LRP1B: variants seen among roughly 807,000 people sequenced by gnomAD.
The protein encoded by LRP1B is low-density lipoprotein receptor-related protein 1B.
LRP1B carries 217 observed loss-of-function variants against 556.6 expected under a neutral mutation model. The observed-to-expected ratio is 0.39, with a 90% CI of 0.35 to 0.44. The LOEUF (loss-of-function observed/expected upper bound fraction) is 0.44, where lower values mean the gene tolerates loss of function less well. LRP1B is among the 20% of genes least tolerant of loss of function. The probability of loss-of-function intolerance (pLI) is 1.00; values close to 1 mark genes in which losing one functional copy is unlikely to be tolerated. For synonymous variants in LRP1B, 2,047 were observed against 1,865.8 expected, an observed-to-expected ratio of 1.10 and a Z score of -2.50; for missense variants, 5,053 against 5,620.8, an observed-to-expected ratio of 0.90 and a Z score of 3.23.
At chr2:141,263,641 T>C (rs1684781655) in intron 3 of LRP1B, among the ~76,000 whole-genome samples, 1 of 152,090 alleles carries the variant, frequency 6.6e-6, no homozygotes, top group South Asian at 2.1e-4. Flanking sequence ...AAGAAAACAT[T>C]TTCCAACTAA....
chr2:140,535,024 A>C (rs1466924774), intron 46 of LRP1B, among the ~76,000 whole-genome samples: 7 of 152,186 alleles, frequency 4.6e-5, no homozygotes, highest in African/African-American at 1.7e-4. Context: ...ACTATTGCCC[A>C]TAGGCCAGAT....
intron 1 of LRP1B, among the ~76,000 whole-genome samples, chr2:142,007,492 G>A (rs547150089): frequency 1.9e-4 from 29 of 152,188 alleles, no homozygotes; most frequent in African/African-American, 6.5e-4. Context: ...AAGCAAAAGT[G>A]GACTCACCTA....
At chr2:140,280,046 C>A (rs1682851092) in intron 84 of LRP1B, among the ~76,000 whole-genome samples, 1 of 151,622 alleles carries the variant, frequency 6.6e-6, no homozygotes, top group Non-Finnish European at 1.5e-5. Context: ...TTTTATATTT[C>A]ACTTTTGCTA....
intron 32 of LRP1B, among the ~76,000 whole-genome samples, chr2:140,789,577 A>G (rs1013961079): frequency 2.8e-5 from 4 of 144,302 alleles, no homozygotes; most frequent in African/African-American, 1.1e-4. Context: ...CACTCTAGCT[A>G]TACCAGCTGA....
In LRP1B at chr2:141,020,149, GTAAAATTAGTGTTCAC is replaced by G. The variant is rs747569035; in HGVS notation, c.1790-63_1790-48del. 7.8e-6 allele frequency: 10 copies of G among 1,289,080 alleles called. 1 individual carries two copies. The highest frequency in any genetic ancestry group is 1.0e-5 in the Non-Finnish European group (10 of 967,300). 79.9% of individuals were successfully genotyped at this position (1,289,080 alleles called of 1,614,324 possible). A position where few individuals can be genotyped will look rare whatever the true frequency, so the allele number is the denominator to read the frequency against. ...GAAAGAAATTGCTTTTACAACTATA[GTAAAATTAGTGTTCAC>G]TACTAATAGCTACCTAATAAAAACT... is the stretch of plus-strand genomic sequence containing the variant. On this transcript the variant is annotated intron_variant, in intron 11 of 90. Coordinates refer to ENST00000389484, the MANE Select transcript of LRP1B (RefSeq NM_018557.3).
At chr2:140,734,550 C>G (rs1687882579) in intron 35 of LRP1B, among the ~76,000 whole-genome samples, 1 of 152,186 alleles carries the variant, frequency 6.6e-6, no homozygotes. Flanking sequence ...CTACAATGAT[C>G]AACCATCCCA....
intron 7 of LRP1B, among the ~76,000 whole-genome samples, chr2:141,071,753 A>G (rs139556880): frequency 1.3e-5 from 2 of 152,304 alleles, no homozygotes; most frequent in African/African-American, 4.8e-5. Context: ...TCCCATTCAC[A>G]ATTGCTTCAA....
At chr2:140,629,962 G>A (rs75504511) in intron 41 of LRP1B, among the ~76,000 whole-genome samples, 2,722 of 152,290 alleles carry the variant, frequency 0.018, 45 homozygotes, top group Admixed American at 0.047. Flanking sequence ...ACAGAAATAT[G>A]GATGATTTCA....
chr2:141,788,142 G>A (rs766137916), intron 2 of LRP1B, among the ~76,000 whole-genome samples: 11 of 151,938 alleles, frequency 7.2e-5, no homozygotes, highest in Non-Finnish European at 1.5e-4. Context: ...TTATGTGACA[G>A]GCCCATATTT....
At chr2:140,573,655 T>C (rs1449577397) in intron 43 of LRP1B, among the ~76,000 whole-genome samples, 1 of 152,060 alleles carries the variant, frequency 6.6e-6, no homozygotes. Flanking sequence ...ACAGTTCTCC[T>C]ATGCTGAAAA....
At chr2:141,651,030 C>A (rs1051104641) in intron 2 of LRP1B, among the ~76,000 whole-genome samples, 4 of 152,182 alleles carry the variant, frequency 2.6e-5, no homozygotes, top group Admixed American at 1.3e-4. Flanking sequence ...TCGTTCAAAT[C>A]TTATCCATGC....
At chr2:140,531,169 T>C (rs1301594626) in intron 47 of LRP1B, among the ~76,000 whole-genome samples, 1 of 152,184 alleles carries the variant, frequency 6.6e-6, no homozygotes. Flanking sequence ...TTTCTTTTGA[T>C]GAATCTTGCC....
chr2:141,822,130 C>CACACACACACACAG (rs374369026), intron 1 of LRP1B, among the ~76,000 whole-genome samples: 20 of 95,892 alleles, frequency 2.1e-4, no homozygotes, highest in African/African-American at 4.0e-4. Context: ...CACACACACA[C>CACACACACACACAG]AGAGAGAGAG....
chr2:140,342,553 C>A (rs1355687395), intron 77 of LRP1B, among the ~76,000 whole-genome samples: 2 of 151,458 alleles, frequency 1.3e-5, no homozygotes, highest in Admixed American at 6.6e-5. Flanking sequence ...AAATGAATGA[C>A]TGTGGAGTTC....
chr2:141,672,302 C>G (rs1386805910), intron 2 of LRP1B, among the ~76,000 whole-genome samples: 1 of 151,980 alleles, frequency 6.6e-6, no homozygotes, highest in Non-Finnish European at 1.5e-5. Context: ...CAGTAAGCAC[C>G]CAGTAGCATT....
In LRP1B at chr2:141,339,767, TTTTATTTA is replaced by T. The variant is rs869119147; in HGVS notation, c.344-85134_344-85127del. Among the ~76,000 whole-genome samples the T allele has an allele frequency of 9.5e-5, 3 of 31,616 alleles. No homozygotes were observed. The East Asian group carries it at 9.8e-4, about 10-fold the overall frequency. The allele number at this position is 31,616 out of a possible 152,430, so 20.7% of individuals were successfully genotyped here. A position where few individuals can be genotyped will look rare whatever the true frequency, so the allele number is the denominator to read the frequency against. On this transcript the variant is annotated intron_variant, in intron 3 of 90. Transcript: ENST00000389484. ...GAGTCATGGTTTATTTATTTTTCTCTTTTATTTATTTATTTATTTATTTATTTTACAGC... is the reference window on the plus strand; with the variant it reads ...GAGTCATGGTTTATTTATTTTTCTCTTTTATTTATTTATTTATTTTACAGC...
intron 1 of LRP1B, among the ~76,000 whole-genome samples, chr2:141,885,230 A>C (rs1699073572): frequency 6.6e-6 from 1 of 152,198 alleles, no homozygotes; most frequent in Non-Finnish European, 1.5e-5. Flanking sequence ...AGAGTAGATA[A>C]CAGAAAATTA....
At chr2:141,471,269 T>TGTTG (rs58189454) in intron 3 of LRP1B, among the ~76,000 whole-genome samples, 1 of 119,374 alleles carries the variant, frequency 8.4e-6, no homozygotes. Context: ...TACCCTGGTA[T>TGTTG]TTTTTTTTTT....
intron 66 of LRP1B, among the ~76,000 whole-genome samples, chr2:140,440,297 T>A (rs1686369256): frequency 6.6e-6 from 1 of 152,160 alleles, no homozygotes. Flanking sequence ...TAGACACTCA[T>A]GCCACTCTTA....
Sources: allele counts gnomAD v4.1 joint callset (sites outside exome capture counted in the v4.1 genomes callset), GRCh38; gene constraint gnomAD v4.1.1; transcripts MANE v1.5; gene names NCBI Gene and HGNC (gene_info 2026-07-23, HGNC 2026-07-21).